The following TBC1D22A variants were observed in gnomAD, a reference collection of about 807,000 sequenced individuals.
TBC1D22A encodes the protein TBC1 domain family member 22A.
A neutral mutation model predicts 60.2 loss-of-function variants in TBC1D22A; 38 were observed. The observed-to-expected ratio is 0.63, with a 90% CI of 0.49 to 0.83. The LOEUF is 0.83. TBC1D22A is among the 40% of genes least tolerant of loss of function. The probability of loss-of-function intolerance (pLI) is 0.00; values close to 1 mark genes in which losing one functional copy is unlikely to be tolerated. For missense variants in TBC1D22A, 628 were observed against 701.0 expected (o/e 0.90, Z 1.18); for synonymous variants, 302 against 281.7 (o/e 1.07, Z -0.72).
At chr22:47,139,777 G>A (rs565812850) in intron 12 of TBC1D22A, among the ~76,000 whole-genome samples, 1 of 152,344 alleles carries the variant, frequency 6.6e-6, no homozygotes, top group South Asian at 2.1e-4. Flanking sequence ...CAGGAGTGGC[G>A]GCAGGAGAAG....
At position 46,868,532 on chromosome 22, in the gene TBC1D22A, C is replaced by A. The variant is rs181713220; in HGVS notation, c.638-10121C>A. Among the ~76,000 whole-genome samples, 86 of 152,240 alleles carry A rather than the reference C, an allele frequency of 5.6e-4. No individual in the cohort carries two copies. The Middle Eastern group carries it at 0.014, about 24-fold the overall frequency. The stretch of plus-strand genomic sequence containing the variant: ...AGCTTTTTGGATAAGGGAGACTCAA[C>A]CGGCAGTATAAGATTTGTACTGGAA... On this transcript the variant is annotated intron_variant, in intron 4 of 12. Coordinates refer to ENST00000337137, the MANE Select transcript of TBC1D22A (RefSeq NM_014346.5).
intron 12 of TBC1D22A, among the ~76,000 whole-genome samples, chr22:47,169,079 CT>C (rs1251308784): frequency 6.6e-6 from 1 of 152,184 alleles, no homozygotes; most frequent in East Asian, 1.9e-4. Context: ...TGGTCCACTG[CT>C]GTGTGGTCCA....
intron 4 of TBC1D22A, among the ~76,000 whole-genome samples, chr22:46,799,553 G>A (rs1311639326): frequency 6.6e-6 from 1 of 152,176 alleles, no homozygotes; most frequent in African/African-American, 2.4e-5. Context: ...TCTGCCAGTT[G>A]TCCCAGTAAT....
intron 11 of TBC1D22A, among the ~76,000 whole-genome samples, chr22:47,061,106 G>A (rs1361497493): frequency 6.0e-5 from 9 of 151,024 alleles, no homozygotes; most frequent in Admixed American, 1.3e-4. Context: ...TGTCTTCCTC[G>A]GTGCCCTCAC....
intron 4 of TBC1D22A, among the ~76,000 whole-genome samples, chr22:46,851,560 C>A (rs765527484): frequency 6.6e-6 from 1 of 152,226 alleles, no homozygotes; most frequent in African/African-American, 2.4e-5. Context: ...TTTGCCTTGG[C>A]GCTCTTGCCT....
At chr22:46,999,869 C>A (rs957480597) in intron 10 of TBC1D22A, among the ~76,000 whole-genome samples, 4 of 151,896 alleles carry the variant, frequency 2.6e-5, no homozygotes, top group Admixed American at 2.6e-4. Context: ...ACTAAAAATA[C>A]AAAATATTAG....
chr22:47,092,612 G>A (rs1035622941), intron 11 of TBC1D22A, among the ~76,000 whole-genome samples: 2 of 152,178 alleles, frequency 1.3e-5, no homozygotes, highest in African/African-American at 2.4e-5. Flanking sequence ...CTCAGCCTGT[G>A]GACATGCCCA....
chr22:46,793,888 A>G, intron 3 of TBC1D22A, 47 bp downstream of exon 3: 3 of 1,474,980 alleles, frequency 2.0e-6, no homozygotes, highest in Middle Eastern at 1.8e-4. Context: ...TGGCCAAGCT[A>G]AGAAAGTGGC....
chr22:46,804,094 C>G (rs1197675121), intron 4 of TBC1D22A, among the ~76,000 whole-genome samples: 1 of 152,210 alleles, frequency 6.6e-6, no homozygotes, highest in Non-Finnish European at 1.5e-5. Context: ...GCGATGGCAC[C>G]TCCTTGAGCC....
intron 5 of TBC1D22A, among the ~76,000 whole-genome samples, chr22:46,879,895 G>A (rs568710870): frequency 5.9e-5 from 9 of 152,320 alleles, no homozygotes; most frequent in East Asian, 1.9e-4. Flanking sequence ...TCCCTAATGT[G>A]TGTAGCACAG....
intron 4 of TBC1D22A, among the ~76,000 whole-genome samples, chr22:46,836,039 A>G (rs9616128): frequency 6.6e-6 from 1 of 152,250 alleles, no homozygotes; most frequent in Non-Finnish European, 1.5e-5. Context: ...GTGGAGATTC[A>G]TTACTGCTAG....
At chr22:46,789,688 C>A (rs1271374182) in intron 1 of TBC1D22A, among the ~76,000 whole-genome samples, 1 of 152,090 alleles carries the variant, frequency 6.6e-6, no homozygotes. Context: ...TGAAAAATGA[C>A]CCAATGTAAT....
In TBC1D22A at chr22:46,891,313, A is replaced by G; in HGVS notation, c.756A>G (p.Arg252=). Residue 252 remains arginine, a synonymous_variant, in exon 6 of 13, where the codon AGA becomes AGG. Transcript: ENST00000337137. ...NVDRRPATLQ[R]KQKEYFAFIE... is the part of the protein sequence containing the mutation. ...ACCGGAGACCAGCCACTCTCCAGAG[A>G]AAACAAAAAGAATATTTTGCATTTA... 1 of 1,613,614 alleles carries G rather than the reference A, an allele frequency of 6.2e-7. No individual in the cohort carries two copies. Among genetic ancestry groups the G allele is most frequent in the Non-Finnish European group, 8.5e-7 (1 of 1,179,872 alleles).
At chr22:46,932,296 C>A (rs141331351) in intron 8 of TBC1D22A, among the ~76,000 whole-genome samples, 5 of 152,360 alleles carry the variant, frequency 3.3e-5, no homozygotes, top group African/African-American at 1.2e-4. Flanking sequence ...TGTGACCGTT[C>A]TCCCGGCCCC....
In TBC1D22A at chr22:47,153,877, A is replaced by G. The variant is rs369537325; in HGVS notation, c.1426-19621A>G. ...AGGCAGCTTGACAGGGGTGACGATG[A>G]GTCCCGTGTGGAGGCGGGGAGTGGA... On this transcript the variant is annotated intron_variant, in intron 12 of 12. Transcript: ENST00000337137. Among the ~76,000 whole-genome samples the G allele has an allele frequency of 5.3e-5, 8 of 152,238 alleles. No individual in the cohort carries two copies. The East Asian group carries it at 1.5e-3, about 29-fold the overall frequency.
At chr22:46,948,695 A>G (rs1253145543) in intron 8 of TBC1D22A, among the ~76,000 whole-genome samples, 2 of 152,156 alleles carry the variant, frequency 1.3e-5, no homozygotes, top group African/African-American at 2.4e-5. Flanking sequence ...AGAAGCTGCA[A>G]TTTCTCAAGA....
intron 12 of TBC1D22A, among the ~76,000 whole-genome samples, chr22:47,172,542 T>C (rs1569482846): frequency 6.6e-6 from 1 of 152,222 alleles, no homozygotes; most frequent in African/African-American, 2.4e-5. Flanking sequence ...CACCTTTATG[T>C]AAAACCTTTT....
At chr22:47,051,958 TCA>T (rs1053408990) in intron 11 of TBC1D22A, among the ~76,000 whole-genome samples, 3 of 152,216 alleles carry the variant, frequency 2.0e-5, no homozygotes, top group African/African-American at 7.2e-5. Context: ...CTAGCACATC[TCA>T]CAGTGTTTGC....
intron 4 of TBC1D22A, among the ~76,000 whole-genome samples, chr22:46,866,828 G>A (rs1406889564): frequency 2.6e-5 from 4 of 152,236 alleles, no homozygotes; most frequent in African/African-American, 4.8e-5. Context: ...ATGCGGAAGC[G>A]TTAACTTGCT....
Sources: gnomAD v4.1 joint callset for allele counts (sites outside exome capture counted in the v4.1 genomes callset) on GRCh38, gnomAD v4.1.1 for gene constraint, MANE v1.5 for transcripts, NCBI Gene and HGNC (gene_info 2026-07-23, HGNC 2026-07-21) for gene names.